Variants in FRMD3 observed in about 807,000 individuals in gnomAD.
The protein encoded by FRMD3 is FERM domain containing 3.
In FRMD3, 33 loss-of-function variants were observed where a neutral mutation model predicts 70.2. That is an observed-to-expected ratio of 0.47 (90% CI 0.36 to 0.63). FRMD3 has a LOEUF of 0.63. FRMD3 is among the 20% of genes least tolerant of loss of function. The pLI is 0.00. For synonymous variants in FRMD3, 279 were observed against 255.9 expected (o/e 1.09, Z -0.86); for missense variants, 632 against 711.4 (o/e 0.89, Z 1.27).
intron 1 of FRMD3, among the ~76,000 whole-genome samples, chr9:83,440,842 G>A (rs542044309): frequency 2.6e-5 from 4 of 152,288 alleles, no homozygotes; most frequent in South Asian, 2.1e-4. Context: ...GGCATGTAAC[G>A]CAGAGTCTGA....
chr9:83,401,932 T>C (rs1825962197), intron 1 of FRMD3, among the ~76,000 whole-genome samples: 2 of 152,170 alleles, frequency 1.3e-5, no homozygotes, highest in African/African-American at 2.4e-5. Context: ...TTAATTAGCA[T>C]AGCAAGCTGG....
chr9:83,494,747 C>CA (rs1190932083), intron 1 of FRMD3, among the ~76,000 whole-genome samples: 7 of 151,586 alleles, frequency 4.6e-5, no homozygotes, highest in Non-Finnish European at 4.4e-5. Flanking sequence ...TCAACAACAA[C>CA]AAAAAAAATG....
At chr9:83,569,019 G>A in the FRMD3 span, among the ~76,000 whole-genome samples, 1 of 151,316 alleles carries the variant, frequency 6.6e-6, no homozygotes, top group African/African-American at 2.4e-5. Context: ...ACACAATATT[G>A]GGAAATGATT....
At chr9:83,440,513 T>A (rs775469353) in intron 1 of FRMD3, among the ~76,000 whole-genome samples, 24 of 152,302 alleles carry the variant, frequency 1.6e-4, no homozygotes, top group Non-Finnish European at 2.8e-4. Flanking sequence ...CACAGGGCCA[T>A]CAGCAATTGT....
intron 1 of FRMD3, among the ~76,000 whole-genome samples, chr9:83,517,870 G>C (rs1052450615): frequency 1.3e-5 from 2 of 152,140 alleles, no homozygotes; most frequent in African/African-American, 4.8e-5. Flanking sequence ...CACATAAACA[G>C]AACCAATGAC....
chr9:83,537,666 T>C lies in FRMD3; in HGVS notation c.147+419A>G, dbSNP rs1829927128. ...GACAGAAATGAGTGAACCCAGCTGA[T>C]GCATGCCTTCTCCACGTGGAAGAAG... On this transcript the variant is annotated intron_variant, in intron 1 of 13. Coordinates refer to ENST00000304195, the MANE Select transcript of FRMD3 (RefSeq NM_174938.6). This position sits in a 1 kb window ranked among gnomAD's most constrained non-coding sequence, Gnocchi z 4.1. Among the ~76,000 whole-genome samples, 1 of 152,110 alleles carries C rather than the reference T, an allele frequency of 6.6e-6. No individual in the cohort carries two copies. Among genetic ancestry groups the C allele is most frequent in the Non-Finnish European group, 1.5e-5 (1 of 67,982 alleles).
intron 1 of FRMD3, among the ~76,000 whole-genome samples, chr9:83,407,987 A>C (rs934017255): frequency 4.0e-5 from 6 of 150,144 alleles, no homozygotes; most frequent in Non-Finnish European, 7.4e-5. Flanking sequence ...GCTTCCTTAC[A>C]CCATGGCAGT....
intron 1 of FRMD3, among the ~76,000 whole-genome samples, chr9:83,421,085 C>T (rs959438803): frequency 6.6e-6 from 1 of 151,340 alleles, no homozygotes; most frequent in African/African-American, 2.4e-5. Context: ...GGACTACAGG[C>T]GCCCGCCACC....
At chr9:83,482,447 T>C (rs1454410170) in intron 1 of FRMD3, among the ~76,000 whole-genome samples, 10 of 152,238 alleles carry the variant, frequency 6.6e-5, no homozygotes, top group Admixed American at 5.2e-4. Context: ...TCTGCACTTT[T>C]AGCCATTATA....
intron 3 of FRMD3, among the ~76,000 whole-genome samples, chr9:83,368,444 G>A (rs1824860602): frequency 6.6e-6 from 1 of 151,938 alleles, no homozygotes; most frequent in South Asian, 2.1e-4. Flanking sequence ...CCATTCTCCT[G>A]CCTCAGCCTC....
chr9:83,413,478 G>A (rs1826336986), intron 1 of FRMD3, among the ~76,000 whole-genome samples: 1 of 152,320 alleles, frequency 6.6e-6, no homozygotes, highest in East Asian at 1.9e-4. Flanking sequence ...CAATATGTCA[G>A]TTCTTTCACC....
chr9:83,354,560 A>T (rs1243820699), intron 3 of FRMD3, among the ~76,000 whole-genome samples: 1 of 152,174 alleles, frequency 6.6e-6, no homozygotes, highest in Non-Finnish European at 1.5e-5. Flanking sequence ...TATGCTTAGT[A>T]CCTGGGTAAC....
chr9:83,303,792 G>C lies in FRMD3; in HGVS notation c.927-4606C>G, dbSNP rs1051262447. 9.2e-5 allele frequency among the ~76,000 whole-genome samples: 14 copies of C among 152,218 alleles called. No individual in the cohort carries two copies. The South Asian group carries it at 2.3e-3, about 25-fold the overall frequency. On this transcript the variant is annotated intron_variant, in intron 10 of 13. Coordinates refer to ENST00000304195, the MANE Select transcript of FRMD3 (RefSeq NM_174938.6). ...AGTATAATTCATGAAGTTAAAAAAA[G>C]AAATTACGAAAATCAATCACCACTA...
chr9:83,414,464 A>G (rs1211796003), intron 1 of FRMD3, among the ~76,000 whole-genome samples: 3 of 151,956 alleles, frequency 2.0e-5, no homozygotes, highest in East Asian at 1.9e-4. Flanking sequence ...CACTAACTAT[A>G]TAAGAAAAAA....
intron 13 of FRMD3, among the ~76,000 whole-genome samples, chr9:83,273,360 C>A (rs1281746519): frequency 1.3e-5 from 2 of 150,936 alleles, no homozygotes; most frequent in Non-Finnish European, 2.9e-5. Context: ...GAAACATGTG[C>A]TGTGTCCACT....
chr9:83,301,739 G>C (rs1834937618), intron 10 of FRMD3, among the ~76,000 whole-genome samples: 1 of 152,210 alleles, frequency 6.6e-6, no homozygotes, highest in South Asian at 2.1e-4. Flanking sequence ...CTTGAACCCA[G>C]ACTGGCCTCT....
rs186629572 is a variant in FRMD3 at position 83,307,064 on chromosome 9, C to A, written c.926+2472G>T. On this transcript the variant is annotated intron_variant, in intron 10 of 13. Coordinates refer to ENST00000304195, the MANE Select transcript of FRMD3 (RefSeq NM_174938.6). ...ATACATAGTACAGATATATAAAATT[C>A]TGTAATAAAATCATGTCATGGTAGA... 3.3e-5 allele frequency among the ~76,000 whole-genome samples: 5 copies of A among 152,234 alleles called. 1 individual carries two copies. The highest frequency in any genetic ancestry group is 2.6e-4 in the Admixed American group (4 of 15,306).
intron 2 of FRMD3, among the ~76,000 whole-genome samples, chr9:83,385,413 A>T (rs1467140343): frequency 6.6e-6 from 1 of 152,148 alleles, no homozygotes; most frequent in Admixed American, 6.5e-5. Flanking sequence ...ATATCAAATT[A>T]AAAAATAATA....
At position 83,309,527 on chromosome 9, in the gene FRMD3, G is replaced by C; in HGVS notation, c.926+9C>G. The C allele has an allele frequency of 1.9e-6, 3 of 1,544,448 alleles. No homozygotes were observed. Among genetic ancestry groups the C allele is most frequent in the Non-Finnish European group, 2.6e-6 (3 of 1,134,924 alleles). ...AAAAGCTATAATTAAATGAATAAAA[G>C]CCACTTACTTATAAAAGGCCTGGTT... On this transcript the variant is annotated intron_variant, in intron 10 of 13. Coordinates refer to ENST00000304195, the MANE Select transcript of FRMD3 (RefSeq NM_174938.6).
Sources: gnomAD v4.1 joint callset for allele counts (sites outside exome capture counted in the v4.1 genomes callset) on GRCh38, gnomAD v4.1.1 for gene constraint, Gnocchi (gnomAD v3.1) non-coding constraint, MANE v1.5 for transcripts, NCBI Gene and HGNC (gene_info 2026-07-23, HGNC 2026-07-21) for gene names.